The following ADCY5 variants were observed in gnomAD, a reference collection of about 807,000 sequenced individuals.
ADCY5 encodes the protein adenylate cyclase 5.
Under a neutral mutation model 119.7 loss-of-function variants are expected in ADCY5, and 30 were observed. The observed-to-expected ratio is 0.25, with a 90% CI of 0.19 to 0.34. ADCY5 has a LOEUF of 0.34. Ranked by LOEUF, ADCY5 falls within the 10% of genes least tolerant of loss-of-function variation. The pLI is 1.00. For synonymous variants in ADCY5, 753 were observed against 762.2 expected (o/e 0.99, Z 0.20); for missense variants, 1,324 against 1,775.2 (o/e 0.75, Z 4.57).
At chr3:123,335,891 G>C (rs981312003) in intron 3 of ADCY5, among the ~76,000 whole-genome samples, 2 of 152,230 alleles carry the variant, frequency 1.3e-5, no homozygotes, top group African/African-American at 4.8e-5. Flanking sequence ...CAAGGCAACT[G>C]TAAGAGTGAG....
chr3:123,317,443 G>A (rs757129835), intron 11 of ADCY5, among the ~76,000 whole-genome samples: 2 of 151,776 alleles, frequency 1.3e-5, no homozygotes, highest in African/African-American at 2.4e-5. Flanking sequence ...GTGATAAAAA[G>A]GCGTCTCTTG....
chr3:123,429,513 C>T (rs1052608037), intron 1 of ADCY5, among the ~76,000 whole-genome samples: 5 of 152,210 alleles, frequency 3.3e-5, no homozygotes, highest in East Asian at 3.9e-4. Flanking sequence ...CTCAGGAGCA[C>T]GACCCACCCA....
intron 1 of ADCY5, among the ~76,000 whole-genome samples, chr3:123,353,540 C>T (rs962801757): frequency 6.6e-6 from 1 of 152,242 alleles, no homozygotes; most frequent in African/African-American, 2.4e-5. Context: ...TTGAGCTGCA[C>T]CTCAGTTACT....
In ADCY5 at chr3:123,333,912, G is replaced by A. The variant is rs116257674; in HGVS notation, c.1407-1237C>T. 2.6e-3 allele frequency among the ~76,000 whole-genome samples: 403 copies of A among 152,292 alleles called. 4 individuals are homozygous for A. Among genetic ancestry groups the A allele is most frequent in the African/African-American group, 9.0e-3 (373 of 41,564 alleles). The stretch of plus-strand genomic sequence containing the variant: ...AACACAGTAAAAGAGACCCAGGGAG[G>A]AGAAAGGAAGACACAGCCCGTCAGC... On this transcript the variant is annotated intron_variant, in intron 3 of 20. Coordinates refer to ENST00000462833, the MANE Select transcript of ADCY5 (RefSeq NM_183357.3).
intron 7 of ADCY5, 92 bp downstream of exon 7, chr3:123,327,526 A>G: frequency 7.6e-7 from 1 of 1,314,066 alleles, no homozygotes; most frequent in East Asian, 2.4e-5. Context: ...TCATGACTTC[A>G]CTCAAGGAAA....
At chr3:123,435,386 C>T (rs1945590677) in intron 1 of ADCY5, among the ~76,000 whole-genome samples, 1 of 152,122 alleles carries the variant, frequency 6.6e-6, no homozygotes, top group Non-Finnish European at 1.5e-5. Flanking sequence ...AATAGTAGCG[C>T]CAAAACTAGA....
At chr3:123,373,686 G>A (rs761827706) in intron 1 of ADCY5, among the ~76,000 whole-genome samples, 3 of 151,726 alleles carry the variant, frequency 2.0e-5, no homozygotes, top group Non-Finnish European at 2.9e-5. Flanking sequence ...CAGCACTCAC[G>A]AGGCTGGGCC....
Position 123,283,790 on chromosome 3 carries a change from T to C in ADCY5, c.*818A>G, listed in dbSNP as rs1938538833. 2 of 151,990 alleles carry C rather than the reference T, an allele frequency of 1.3e-5. No homozygotes were observed. Among genetic ancestry groups the C allele is most frequent in the Non-Finnish European group, 2.9e-5 (2 of 68,026 alleles). 9.4% of individuals were successfully genotyped at this position (151,990 alleles called of 1,614,324 possible). ...AAATATAGAATTTGGCATATCTATC[T>C]GTGAGATCTCCAAGGCTTTCAATAA... On this transcript the variant is annotated 3_prime_UTR_variant, in exon 21 of 21. Transcript: ENST00000462833.
intron 17 of ADCY5, among the ~76,000 whole-genome samples, chr3:123,295,629 G>T (rs961285942): frequency 3.3e-5 from 5 of 152,134 alleles, no homozygotes; most frequent in Non-Finnish European, 1.5e-5. Flanking sequence ...AGAAACCTTT[G>T]GTGCCAGTTC....
At chr3:123,402,715 T>A (rs993569694) in intron 1 of ADCY5, among the ~76,000 whole-genome samples, 34 of 151,538 alleles carry the variant, frequency 2.2e-4, no homozygotes, top group Non-Finnish European at 1.9e-4. Context: ...TAGTCAGGCG[T>A]GGTGGTGGGT....
chr3:123,313,324 G>A (rs916608866), intron 12 of ADCY5, among the ~76,000 whole-genome samples: 3 of 152,194 alleles, frequency 2.0e-5, no homozygotes, highest in Admixed American at 1.3e-4. Flanking sequence ...GGGGATGAAG[G>A]TCCAATTCCT....
intron 1 of ADCY5, among the ~76,000 whole-genome samples, chr3:123,435,847 C>T: frequency 7.2e-6 from 1 of 139,240 alleles, no homozygotes. Flanking sequence ...CTGGCAAGAG[C>T]CCTTTTATTA....
intron 19 of ADCY5, among the ~76,000 whole-genome samples, chr3:123,288,470 A>C (rs1938924770): frequency 6.6e-6 from 1 of 152,206 alleles, no homozygotes; most frequent in Admixed American, 6.5e-5. Flanking sequence ...TGGGAGGAGC[A>C]ACACTCCACC....
intron 13 of ADCY5, among the ~76,000 whole-genome samples, chr3:123,303,547 C>T (rs1939983536): frequency 6.6e-6 from 1 of 152,146 alleles, no homozygotes; most frequent in Admixed American, 6.5e-5. Context: ...CATAGTGGCT[C>T]ATGCCTGTAA....
In ADCY5 at chr3:123,283,507, T is replaced by TG. The variant is rs1314211454; in HGVS notation, c.*1100dup. On this transcript the variant is annotated 3_prime_UTR_variant, in exon 21 of 21. Coordinates refer to ENST00000462833, the MANE Select transcript of ADCY5 (RefSeq NM_183357.3). ...ATACGTGTGCGTGTGTCAGAAAAGATGGGGCAGTGTGTCCATGCATCCTCC... is the reference window on the plus strand; with the variant it reads ...ATACGTGTGCGTGTGTCAGAAAAGATGGGGGCAGTGTGTCCATGCATCCTCC... 1.3e-5 allele frequency: 2 copies of TG among 152,126 alleles called. No homozygotes were observed. Among genetic ancestry groups the TG allele is most frequent in the African/African-American group, 4.8e-5 (2 of 41,394 alleles). 9.4% of individuals were successfully genotyped at this position (152,126 alleles called of 1,614,324 possible). A position where few individuals can be genotyped will look rare whatever the true frequency, so the allele number is the denominator to read the frequency against.
intron 3 of ADCY5, among the ~76,000 whole-genome samples, chr3:123,342,781 T>G (rs1044881555): frequency 1.3e-5 from 2 of 152,104 alleles, no homozygotes; most frequent in Admixed American, 1.3e-4. Flanking sequence ...AAGAAGGAGC[T>G]CCTGTGAAAG....
rs144670126 is a variant in ADCY5 at position 123,434,058 on chromosome 3, C to T, written c.1134+13354G>A. On this transcript the variant is annotated intron_variant, in intron 1 of 20. Transcript: ENST00000462833. ...ATCACAAATAAAAAGCCATGCATTC[C>T]GAAACCAAACTGAGACAACTGCCTG... Among the ~76,000 whole-genome samples, 631 of 152,256 alleles carry T rather than the reference C, an allele frequency of 4.1e-3. 5 individuals carry two copies. The highest frequency in any genetic ancestry group is 0.024 in the Middle Eastern group (7 of 294).
rs1938486500 is a variant in ADCY5, at chr3:123,283,210, C to T, written c.*1398G>A. The T allele has an allele frequency of 6.6e-6, 1 of 152,238 alleles. No individual in the cohort carries two copies. The highest frequency in any genetic ancestry group is 6.5e-5 in the Admixed American group (1 of 15,284). 9.4% of individuals were successfully genotyped at this position (152,238 alleles called of 1,614,324 possible). On this transcript the variant is annotated 3_prime_UTR_variant, in exon 21 of 21. Transcript: ENST00000462833. ...CATCTCCAGGAAGAGCCACCTGCACCTTGGCCAACTGAGTAGGCCAGGGAG... is the reference window on the plus strand; with the variant it reads ...CATCTCCAGGAAGAGCCACCTGCACTTTGGCCAACTGAGTAGGCCAGGGAG...
chr3:123,369,944 A>C (rs1401816707), intron 1 of ADCY5, among the ~76,000 whole-genome samples: 1 of 152,156 alleles, frequency 6.6e-6, no homozygotes, highest in Admixed American at 6.5e-5. Flanking sequence ...GCTGCTAACA[A>C]GGGGGTAGGA....
Sources: allele counts gnomAD v4.1 joint callset (sites outside exome capture counted in the v4.1 genomes callset), GRCh38; gene constraint gnomAD v4.1.1; transcripts MANE v1.5; gene names NCBI Gene and HGNC (gene_info 2026-07-23, HGNC 2026-07-21).